LYST: variants seen among roughly 807,000 people sequenced by gnomAD.
The protein encoded by LYST is lysosomal trafficking regulator, also known as lysosomal-trafficking regulator.
Under a neutral mutation model 413.6 loss-of-function variants are expected in LYST, and 192 were observed. That is an observed-to-expected ratio of 0.46 (90% CI 0.41 to 0.52). The LOEUF is 0.52. Among genes scored for constraint, LYST ranks in the 20% least tolerant of loss-of-function variants. The probability of loss-of-function intolerance (pLI) is 0.00; values close to 1 mark genes in which losing one functional copy is unlikely to be tolerated. For missense variants in LYST, 3,815 were observed against 4,499.9 expected (o/e 0.85, Z 4.35); for synonymous variants, 1,525 against 1,567.3 (o/e 0.97, Z 0.64).
At chr1:235,727,225 C>A (rs1048581541) in intron 38 of LYST, among the ~76,000 whole-genome samples, 1 of 150,392 alleles carries the variant, frequency 6.6e-6, no homozygotes, top group Non-Finnish European at 1.5e-5. Flanking sequence ...TGGGTTCAAG[C>A]GATTCGCCTG....
Position 235,746,363 on chromosome 1 carries a change from A to C in LYST, c.7945T>G (p.Leu2649Val). ...TGATAAATAATCCTGTTGACTGCTA[A>C]AACAGTGAGCCTCTGTAGTCTCTGC... ...LAQRLQRLTVLAVNRIIYQEF... is the reference protein window; with the variant it reads ...LAQRLQRLTVVAVNRIIYQEF... The change falls in exon 29 of 53, where the codon TTA (leucine) becomes GTA (valine). Residue 2649 changes from leucine (L) to valine (V), a missense_variant. Coordinates refer to ENST00000389793, the MANE Select transcript of LYST (RefSeq NM_000081.4). 6.2e-7 allele frequency: 1 copy of C among 1,613,894 alleles called. No individual in the cohort carries two copies. Among genetic ancestry groups the C allele is most frequent in the Non-Finnish European group, 8.5e-7 (1 of 1,179,852 alleles).
intron 12 of LYST, among the ~76,000 whole-genome samples, chr1:235,790,046 A>C (rs1307414997): frequency 2.0e-5 from 3 of 152,176 alleles, no homozygotes; most frequent in Non-Finnish European, 4.4e-5. Flanking sequence ...AAAACTTTTT[A>C]TATATGTCTA....
intron 1 of LYST, among the ~76,000 whole-genome samples, chr1:235,836,795 A>C (rs182608961): frequency 2.9e-4 from 44 of 152,344 alleles, no homozygotes; most frequent in Admixed American, 2.6e-3. Context: ...CTGATAGGTA[A>C]GACTGACATA....
At chr1:235,817,594 C>A (rs1246801295) in intron 3 of LYST, among the ~76,000 whole-genome samples, 1 of 152,150 alleles carries the variant, frequency 6.6e-6, no homozygotes, top group Admixed American at 6.5e-5. Context: ...GGTCATTATC[C>A]TAGGTGAACT....
At chr1:235,749,464 T>C (rs1200524992) in intron 28 of LYST, among the ~76,000 whole-genome samples, 1 of 152,000 alleles carries the variant, frequency 6.6e-6, no homozygotes, top group African/African-American at 2.4e-5. Flanking sequence ...TCCTAAGAGA[T>C]ACCATAGACC....
upstream of LYST, among the ~76,000 whole-genome samples, chr1:235,867,127 G>A (rs1168878923): frequency 1.3e-5 from 2 of 152,222 alleles, no homozygotes; most frequent in African/African-American, 2.4e-5. Flanking sequence ...GGAAGGCAGG[G>A]GGGCGGGCCG....
At chr1:235,766,344 AG>A in intron 20 of LYST, 67 bp from the exon 21 acceptor site, 1 of 1,164,324 alleles carries the variant, frequency 8.6e-7, no homozygotes, top group South Asian at 1.3e-5. Context: ...TTTTTCATTT[AG>A]GCAAAATATT....
At chr1:235,741,774 T>A (rs905197087) in intron 30 of LYST, 146 bp from the exon 31 acceptor site, 1 of 685,518 alleles carries the variant, frequency 1.5e-6, no homozygotes, top group African/African-American at 1.8e-5. Flanking sequence ...GATATACATA[T>A]CCATACACAT....
At chr1:235,802,215 A>AC (rs1327513492) in intron 8 of LYST, among the ~76,000 whole-genome samples, 1 of 151,030 alleles carries the variant, frequency 6.6e-6, no homozygotes, top group African/African-American at 2.4e-5. Flanking sequence ...AAAAAAAAAA[A>AC]AAAAACTAGC....
In LYST at chr1:235,762,706, A is replaced by T; in HGVS notation, c.6253+14T>A. ...AAAATGAGAAGGTCATACTTCCATT[A>T]TTGCTATTTTTACCTTCATATGGTG... On this transcript the variant is annotated intron_variant, in intron 22 of 52. Coordinates refer to ENST00000389793, the MANE Select transcript of LYST (RefSeq NM_000081.4). The T allele has an allele frequency of 6.2e-7, 1 of 1,611,576 alleles. No individual in the cohort carries two copies. The highest frequency in any genetic ancestry group is 8.5e-7 in the Non-Finnish European group (1 of 1,177,980).
intron 1 of LYST, among the ~76,000 whole-genome samples, chr1:235,852,737 T>C (rs1041078632): frequency 4.6e-5 from 7 of 152,160 alleles, no homozygotes; most frequent in Non-Finnish European, 1.0e-4. Context: ...TGAGAATCCA[T>C]TCTACAATCA....
chr1:235,824,996 G>T (rs987376802), intron 3 of LYST, among the ~76,000 whole-genome samples: 5 of 151,988 alleles, frequency 3.3e-5, no homozygotes, highest in African/African-American at 1.2e-4. Context: ...CTCCAGCCTG[G>T]GCGACAGAGT....
intron 28 of LYST, among the ~76,000 whole-genome samples, chr1:235,748,211 G>A (rs181033914): frequency 7.8e-4 from 118 of 152,192 alleles, no homozygotes; most frequent in African/African-American, 2.8e-3. Context: ...GTGTATGTGC[G>A]AGTGCATGGC....
At chr1:235,738,220 C>A in intron 31 of LYST, 1 of 1,610,644 alleles carries the variant, frequency 6.2e-7, no homozygotes, top group Non-Finnish European at 8.5e-7. Context: ...TTCCTTAGAA[C>A]ACCAAAGATT....
At chr1:235,795,265 C>T (rs1671434539) in intron 10 of LYST, among the ~76,000 whole-genome samples, 1 of 152,136 alleles carries the variant, frequency 6.6e-6, no homozygotes, top group South Asian at 2.1e-4. Flanking sequence ...TTTTAGGTCC[C>T]AAACCTGATA....
chr1:235,804,494 T>C lies in LYST; in HGVS notation c.3555+10A>G, dbSNP rs778371536. On this transcript the variant is annotated intron_variant, in intron 7 of 52. Transcript: ENST00000389793. ...ACCCAAAGAACACAACTATATGTTGTTATTCATACCTTCTCAGTCATAGCA... is the reference window on the plus strand; with the variant it reads ...ACCCAAAGAACACAACTATATGTTGCTATTCATACCTTCTCAGTCATAGCA... 8.1e-6 allele frequency: 13 copies of C among 1,609,978 alleles called. No homozygotes were observed. The African/African-American group carries it at 1.3e-4, about 17-fold the overall frequency.
In LYST at chr1:235,734,505, T is replaced by A; in HGVS notation, c.8513A>T (p.Asp2838Val). The A allele has an allele frequency of 6.2e-7, 1 of 1,613,694 alleles. No individual in the cohort carries two copies. Among genetic ancestry groups the A allele is most frequent in the Non-Finnish European group, 8.5e-7 (1 of 1,179,618 alleles). Residue 2838 changes from aspartate (D) to valine (V), a missense_variant, in exon 32 of 53, where the codon GAC becomes GTC. By Grantham distance (152) the Asp-to-Val change is radical (BLOSUM62 -3). This residue lies in a region of LYST where 771 missense variants were observed against 837.1 expected (regional missense o/e 0.92). Transcript: ENST00000389793. ...CIPPSASTKA[D>V]LIKMIKEEQK... The stretch of plus-strand genomic sequence containing the variant: ...CACCTCTTTGATCATTTTAATAAGG[T>A]CTGCTTTTGTTGATGCACTGGGAGG...
intron 14 of LYST, among the ~76,000 whole-genome samples, chr1:235,784,697 G>C (rs1670232181): frequency 6.6e-6 from 1 of 152,148 alleles, no homozygotes; most frequent in Admixed American, 6.5e-5. Context: ...TCTGTATAAA[G>C]TGCCTAATAC....
chr1:235,734,613 T>C lies in LYST; in HGVS notation c.8405A>G (p.His2802Arg), dbSNP rs768164137. The C allele has an allele frequency of 6.2e-7, 1 of 1,612,928 alleles. No individual in the cohort carries two copies. ...CTCTTCTTCAGTCAATTCACCTTGG[T>C]GATTATGTATCAACTCTGACAAATA... ...VLYLSELIHN[H>R]QGELTEEELG... The change falls in exon 32 of 53, where the codon CAC (histidine) becomes CGC (arginine). Residue 2802 changes from histidine to arginine, a missense_variant. By Grantham distance (29) the His-to-Arg change is conservative. Coordinates refer to ENST00000389793, the MANE Select transcript of LYST (RefSeq NM_000081.4).
Sources: gnomAD v4.1 joint callset for allele counts (sites outside exome capture counted in the v4.1 genomes callset) on GRCh38, gnomAD v4.1.1 for gene constraint, gnomAD v4.1.1 regional missense constraint, MANE v1.5 for transcripts, NCBI Gene and HGNC (gene_info 2026-07-23, HGNC 2026-07-21) for gene names.